Variants in GRIK2 observed in about 807,000 individuals in gnomAD.
GRIK2 encodes glutamate receptor ionotropic, kainate 2.
Under a neutral mutation model 100.3 loss-of-function variants are expected in GRIK2, and 32 were observed. That is an observed-to-expected ratio of 0.32 (90% CI 0.24 to 0.43). The LOEUF (loss-of-function observed/expected upper bound fraction) is 0.43. Among genes scored for constraint, GRIK2 ranks in the 20% least tolerant of loss-of-function variants. The pLI is 1.00. For synonymous variants in GRIK2, 417 were observed against 389.4 expected, an observed-to-expected ratio of 1.07 and a Z score of -0.83; for missense variants, 843 against 1,114.9, an observed-to-expected ratio of 0.76 and a Z score of 3.47.
At chr6:101,624,738 T>A (rs1562268187) in intron 3 of GRIK2, among the ~76,000 whole-genome samples, 1 of 152,050 alleles carries the variant, frequency 6.6e-6, no homozygotes, top group Non-Finnish European at 1.5e-5. Context: ...CAACATGGTT[T>A]ACTTTTTTTT....
Position 101,584,483 on chromosome 6 carries a change from T to C in GRIK2, c.116-37466T>C, listed in dbSNP as rs112193578. On this transcript the variant is annotated intron_variant, in intron 2 of 16. Coordinates refer to ENST00000369134, the MANE Select transcript of GRIK2 (RefSeq NM_021956.5). ...CTTTGTACATCAGGAAATATTTCCTTAGCATTAGGAGACAGTAGCAAAACT... is the reference window on the plus strand; with the variant it reads ...CTTTGTACATCAGGAAATATTTCCTCAGCATTAGGAGACAGTAGCAAAACT... 7.5e-4 allele frequency among the ~76,000 whole-genome samples: 114 copies of C among 152,172 alleles called. 1 individual carries two copies. Among genetic ancestry groups the C allele is most frequent in the African/African-American group, 2.6e-3 (106 of 41,560 alleles).
intron 14 of GRIK2, among the ~76,000 whole-genome samples, chr6:101,998,456 A>C (rs1794760054): frequency 1.3e-5 from 2 of 152,066 alleles, no homozygotes; most frequent in Non-Finnish European, 2.9e-5. Context: ...GGAATAGCGG[A>C]ATCACTCAAG....
intron 14 of GRIK2, among the ~76,000 whole-genome samples, chr6:101,983,528 C>T (rs1793839412): frequency 6.6e-6 from 1 of 151,750 alleles, no homozygotes; most frequent in Non-Finnish European, 1.5e-5. Flanking sequence ...CACACTAATA[C>T]ATGTCCTCAT....
At chr6:101,590,957 C>A (rs908193416) in intron 2 of GRIK2, among the ~76,000 whole-genome samples, 1 of 151,934 alleles carries the variant, frequency 6.6e-6, no homozygotes, top group African/African-American at 2.4e-5. Flanking sequence ...AGAAGTTGGT[C>A]GGAAGGCAGA....
chr6:101,461,829 G>T (rs923005983), intron 2 of GRIK2, among the ~76,000 whole-genome samples: 3 of 152,064 alleles, frequency 2.0e-5, no homozygotes, highest in African/African-American at 4.8e-5. Context: ...ATAAAGAAAA[G>T]AACTGAGAAA....
chr6:102,015,968 C>T (rs924778239), intron 14 of GRIK2, among the ~76,000 whole-genome samples: 1 of 152,058 alleles, frequency 6.6e-6, no homozygotes, highest in Admixed American at 6.6e-5. Flanking sequence ...ATCAAACCCC[C>T]AAGGTCATCA....
chr6:101,599,628 G>A (rs1173292105), intron 2 of GRIK2, among the ~76,000 whole-genome samples: 1 of 151,704 alleles, frequency 6.6e-6, no homozygotes, highest in Non-Finnish European at 1.5e-5. Flanking sequence ...GTATCTCGTT[G>A]TGGTTTTGAT....
At chr6:101,832,236 C>T (rs375409502) in intron 10 of GRIK2, among the ~76,000 whole-genome samples, 1 of 151,990 alleles carries the variant, frequency 6.6e-6, no homozygotes, top group African/African-American at 2.4e-5. Context: ...GTTTTCTAAT[C>T]TTGATAAATT....
chr6:101,788,781 G>A (rs1430055262), intron 7 of GRIK2, among the ~76,000 whole-genome samples: 9 of 152,088 alleles, frequency 5.9e-5, no homozygotes, highest in Non-Finnish European at 1.0e-4. Context: ...CTGAGGAATC[G>A]CCACACTGAC....
chr6:101,411,657 AAAAC>A (rs1414486554), intron 2 of GRIK2, among the ~76,000 whole-genome samples: 1 of 152,116 alleles, frequency 6.6e-6, no homozygotes, highest in Non-Finnish European at 1.5e-5. Flanking sequence ...TAGATGATGA[AAAAC>A]AATGAGTAAA....
At chr6:102,011,704 C>T (rs374202625) in intron 14 of GRIK2, among the ~76,000 whole-genome samples, 1 of 151,290 alleles carries the variant, frequency 6.6e-6, no homozygotes, top group Non-Finnish European at 1.5e-5. Flanking sequence ...CTGCCTCAGC[C>T]TCTCCGAGTA....
At chr6:101,414,687 CCAG>C (rs1314234846) in intron 2 of GRIK2, among the ~76,000 whole-genome samples, 1 of 152,120 alleles carries the variant, frequency 6.6e-6, no homozygotes, top group Non-Finnish European at 1.5e-5. Flanking sequence ...AGATACCCTC[CCAG>C]CAGCAGGATG....
intron 7 of GRIK2, among the ~76,000 whole-genome samples, chr6:101,782,340 C>A (rs1392878482): frequency 6.6e-6 from 1 of 152,130 alleles, no homozygotes; most frequent in Non-Finnish European, 1.5e-5. Flanking sequence ...CCAACTTCTC[C>A]TCGTCTGTCC....
At chr6:101,472,780 TTTGA>T (rs1295184268) in intron 2 of GRIK2, among the ~76,000 whole-genome samples, 4 of 151,958 alleles carry the variant, frequency 2.6e-5, no homozygotes, top group Non-Finnish European at 4.4e-5. Context: ...TTCAAAGTTC[TTTGA>T]TTGCTAATTT....
intron 12 of GRIK2, among the ~76,000 whole-genome samples, chr6:101,921,027 T>C (rs1030360064): frequency 1.3e-5 from 2 of 151,914 alleles, no homozygotes; most frequent in African/African-American, 2.4e-5. Flanking sequence ...CCTGAACTAG[T>C]ATAGTGCCAA....
chr6:101,924,031 G>A (rs908671436), intron 12 of GRIK2, among the ~76,000 whole-genome samples: 1 of 150,918 alleles, frequency 6.6e-6, no homozygotes, highest in East Asian at 1.9e-4. Context: ...GTATTAGAAT[G>A]CAGTAGATTC....
intron 2 of GRIK2, among the ~76,000 whole-genome samples, chr6:101,605,174 A>T (rs866378177): frequency 2.0e-5 from 3 of 152,052 alleles, no homozygotes; most frequent in African/African-American, 7.2e-5. Flanking sequence ...GCTTATGTTC[A>T]GAAGGCCTGA....
intron 14 of GRIK2, among the ~76,000 whole-genome samples, chr6:101,971,421 C>A (rs969341545): frequency 6.6e-6 from 1 of 151,948 alleles, no homozygotes; most frequent in African/African-American, 2.4e-5. Context: ...AGAATAGGTA[C>A]TCCCAGTGGG....
intron 2 of GRIK2, among the ~76,000 whole-genome samples, chr6:101,599,190 A>C (rs1468414333): frequency 6.6e-6 from 1 of 151,762 alleles, no homozygotes; most frequent in Non-Finnish European, 1.5e-5. Context: ...CAGTTTCTGC[A>C]TTAATTTGCT....
Sources: gnomAD v4.1 joint callset for allele counts (sites outside exome capture counted in the v4.1 genomes callset) on GRCh38, gnomAD v4.1.1 for gene constraint, MANE v1.5 for transcripts, NCBI Gene and HGNC (gene_info 2026-07-23, HGNC 2026-07-21) for gene names.